The following DNAH3 variants were observed in gnomAD, a reference collection of about 807,000 sequenced individuals.
DNAH3 encodes the protein axonemal beta dynein heavy chain 3.
Under a neutral mutation model 432.5 loss-of-function variants are expected in DNAH3, and 332 were observed. The ratio of observed to expected loss-of-function variants is 0.77; its 90% confidence interval spans 0.70 to 0.84. The LOEUF is 0.84. Among genes scored for constraint, DNAH3 ranks in the 40% least tolerant of loss-of-function variants. DNAH3 has a pLI of 0.00. For missense variants in DNAH3, 4,861 were observed against 5,114.0 expected (o/e 0.95, Z 1.51); for synonymous variants, 1,956 against 1,900.2 (o/e 1.03, Z -0.76).
chr16:20,977,822 A>G (rs551518258), intron 50 of DNAH3, among the ~76,000 whole-genome samples: 2 of 152,332 alleles, frequency 1.3e-5, no homozygotes, highest in Non-Finnish European at 2.9e-5. Flanking sequence ...TTTCTGGTCT[A>G]GACTGTCTTA....
intron 15 of DNAH3, 42 bp from the exon 16 acceptor site, chr16:21,104,636 T>C (rs752631313): frequency 8.1e-7 from 1 of 1,240,276 alleles, no homozygotes; most frequent in Non-Finnish European, 1.2e-6. Context: ...CTGTTTAGCA[T>C]AGGTCGGGTC....
At chr16:21,147,691 T>C (rs2092802832) in intron 1 of DNAH3, among the ~76,000 whole-genome samples, 1 of 152,216 alleles carries the variant, frequency 6.6e-6, no homozygotes. Context: ...AGTGAGTGCA[T>C]ACTGTGGAGT....
At chr16:20,944,186 GA>G (rs35053584) in intron 58 of DNAH3, among the ~76,000 whole-genome samples, 1 of 84,910 alleles carries the variant, frequency 1.2e-5, no homozygotes, top group Non-Finnish European at 2.2e-5. Context: ...ACATTATGTA[GA>G]AAAAAAAGCA....
At chr16:20,985,846 T>TC in intron 47 of DNAH3, 131 bp from the exon 48 acceptor site, 1 of 935,324 alleles carries the variant, frequency 1.1e-6, no homozygotes, top group Non-Finnish European at 1.6e-6. Flanking sequence ...TCATGGGTCA[T>TC]CAGTTTTGTT....
At chr16:20,989,560 C>T (rs2086430238) in intron 44 of DNAH3, among the ~76,000 whole-genome samples, 1 of 152,284 alleles carries the variant, frequency 6.6e-6, no homozygotes, top group Non-Finnish European at 1.5e-5. Flanking sequence ...CCACCAGACT[C>T]AGGAGCCCAG....
At chr16:21,032,458 C>T (rs1188324932) in intron 36 of DNAH3, among the ~76,000 whole-genome samples, 1 of 152,072 alleles carries the variant, frequency 6.6e-6, no homozygotes, top group Non-Finnish European at 1.5e-5. Flanking sequence ...AATCACAATG[C>T]TTTTATGGAA....
chr16:20,965,173 T>C (rs940853171), exon 53 of DNAH3: 1 of 1,614,070 alleles, frequency 6.2e-7, no homozygotes, highest in Non-Finnish European at 8.5e-7. Flanking sequence ...TCGCTCCCGT[T>C]TGGGAGCCAC....
chr16:21,140,093 C>G (rs2092699330), intron 5 of DNAH3: 2 of 154,600 alleles, frequency 1.3e-5, no homozygotes, highest in South Asian at 2.0e-4. Flanking sequence ...CCACCTCATT[C>G]TTAAAACACA....
chr16:21,060,405 G>C (rs748646728), intron 25 of DNAH3, 49 bp from the exon 26 acceptor site: 1 of 1,449,020 alleles, frequency 6.9e-7, no homozygotes, highest in African/African-American at 1.4e-5. Flanking sequence ...AAAGCCCAGA[G>C]GGAGGGAGAG....
chr16:21,081,261 A>G (rs2091174705), intron 20 of DNAH3, among the ~76,000 whole-genome samples: 1 of 152,066 alleles, frequency 6.6e-6, no homozygotes, highest in Non-Finnish European at 1.5e-5. Flanking sequence ...ACAATCTTAA[A>G]GCTCAGAGAC....
intron 31 of DNAH3, among the ~76,000 whole-genome samples, chr16:21,044,233 G>T (rs2089587942): frequency 1.6e-5 from 2 of 127,280 alleles, no homozygotes; most frequent in African/African-American, 6.0e-5. Flanking sequence ...GCTTGATGGG[G>T]ATGGCATTGA....
rs758537800 is a variant in DNAH3, at chr16:20,985,546, ATGT to A, written c.7193_7195del (p.Asn2398del). On this transcript the variant is annotated inframe_deletion, in exon 48 of 62. Transcript: ENST00000261383. ...GACCAGGGACATGGGGGCCTTGCTG[ATGT>A]TGTTGAATTCTTCCAGATAGTGCTC... The A allele has an allele frequency of 1.7e-5, 28 of 1,614,048 alleles. No homozygotes were observed. In the African/African-American group the frequency reaches 2.9e-4, roughly 17 times the overall value.
intron 42 of DNAH3, 112 bp from the exon 43 acceptor site, chr16:21,000,630 A>C: frequency 1.0e-6 from 1 of 968,006 alleles, no homozygotes; most frequent in Non-Finnish European, 1.5e-6. Flanking sequence ...TATCTTTATG[A>C]CCTTAGGCGA....
intron 56 of DNAH3, among the ~76,000 whole-genome samples, chr16:20,952,083 G>T (rs1363901682): frequency 6.6e-6 from 1 of 151,888 alleles, no homozygotes; most frequent in East Asian, 1.9e-4. Context: ...TCAATATGTT[G>T]GTCGGGCTGG....
At chr16:20,982,725 C>T (rs2152663964) in exon 49 of DNAH3, 1 of 1,613,566 alleles carries the variant, frequency 6.2e-7, no homozygotes, top group Non-Finnish European at 8.5e-7. Flanking sequence ...ACTTACTCTA[C>T]CCGAATGTTG....
chr16:21,151,327 T>G (rs1412562255), intron 1 of DNAH3, among the ~76,000 whole-genome samples: 1 of 151,538 alleles, frequency 6.6e-6, no homozygotes, highest in South Asian at 2.1e-4. Context: ...CCCCGTTTTT[T>G]TTTTTTTTTT....
intron 23 of DNAH3, among the ~76,000 whole-genome samples, chr16:21,068,854 T>C (rs1041916158): frequency 1.2e-4 from 18 of 152,120 alleles, no homozygotes; most frequent in African/African-American, 3.9e-4. Flanking sequence ...AAACTGCCTA[T>C]AGTTACTGCT....
chr16:20,944,622 G>A (rs756341361), exon 58 of DNAH3: 1 of 1,614,108 alleles, frequency 6.2e-7, no homozygotes, highest in Non-Finnish European at 8.5e-7. Context: ...ACACTTCTGG[G>A]TGGGCTGTGA....
chr16:21,097,535 G>A (rs374520685), intron 17 of DNAH3, 36 bp from the exon 18 acceptor site: 54 of 1,608,356 alleles, frequency 3.4e-5, no homozygotes, highest in Non-Finnish European at 3.8e-5. Flanking sequence ...TATGGGATGG[G>A]TTGTTCTCCT....
Sources: gnomAD v4.1 joint callset for allele counts (sites outside exome capture counted in the v4.1 genomes callset) on GRCh38, gnomAD v4.1.1 for gene constraint, MANE v1.5 for transcripts, NCBI Gene and HGNC (gene_info 2026-07-23, HGNC 2026-07-21) for gene names.